COG6: variants seen among roughly 807,000 people sequenced by gnomAD.
COG6 encodes the protein conserved oligomeric Golgi complex subunit 6.
A neutral mutation model predicts 88.8 loss-of-function variants in COG6; 74 were observed. The observed-to-expected ratio is 0.83, with a 90% CI of 0.69 to 1.01. The LOEUF (loss-of-function observed/expected upper bound fraction) is 1.01, where lower values mean the gene tolerates loss of function less well. Among genes scored for constraint, COG6 ranks in the 50% least tolerant of loss-of-function variants. The pLI, the probability that COG6 is intolerant of heterozygous loss-of-function variation, is 0.00. For missense variants in COG6, 800 were observed against 797.9 expected, an observed-to-expected ratio of 1.00 and a Z score of -0.03; for synonymous variants, 286 against 278.7, an observed-to-expected ratio of 1.03 and a Z score of -0.26.
At chr13:39,662,142 A>T (rs370582434) in intron 3 of COG6, among the ~76,000 whole-genome samples, 61 of 130,592 alleles carry the variant, frequency 4.7e-4, no homozygotes, top group Admixed American at 9.1e-4. Flanking sequence ...TGTCCTTTGT[A>T]TTTTTTTTTT....
At chr13:39,728,989 T>G (rs191823928) in intron 18 of COG6, among the ~76,000 whole-genome samples, 74 of 152,330 alleles carry the variant, frequency 4.9e-4, no homozygotes, top group Admixed American at 4.8e-3. Flanking sequence ...TATTAAATTT[T>G]TAACTGAATA....
chr13:39,770,651 A>G (rs768009816), intron 18 of COG6, among the ~76,000 whole-genome samples: 1 of 152,234 alleles, frequency 6.6e-6, no homozygotes, highest in Non-Finnish European at 1.5e-5. Flanking sequence ...GATTAAAAAG[A>G]GAAAGAAATC....
intron 4 of COG6, among the ~76,000 whole-genome samples, chr13:39,672,784 TATG>T (rs1486467045): frequency 6.6e-6 from 1 of 152,096 alleles, no homozygotes; most frequent in Admixed American, 6.6e-5. Context: ...CTGAATCATA[TATG>T]ATAACTCTTT....
intron 13 of COG6, among the ~76,000 whole-genome samples, chr13:39,701,398 A>G (rs1380077765): frequency 6.6e-6 from 1 of 151,932 alleles, no homozygotes; most frequent in African/African-American, 2.4e-5. Flanking sequence ...AGTTTTACAT[A>G]TAAGAGATAG....
intron 1 of COG6, among the ~76,000 whole-genome samples, chr13:39,657,452 A>T (rs569714236): frequency 7.9e-5 from 12 of 152,244 alleles, no homozygotes; most frequent in African/African-American, 2.9e-4. Context: ...CATTCGTTCA[A>T]CATTACTGAT....
intron 13 of COG6, among the ~76,000 whole-genome samples, chr13:39,701,895 G>A (rs1186921511): frequency 6.6e-6 from 1 of 151,920 alleles, no homozygotes; most frequent in African/African-American, 2.4e-5. Context: ...GGAAAGGATG[G>A]AATTAAATTT....
At chr13:39,763,281 C>G (rs1035581748) in intron 18 of COG6, among the ~76,000 whole-genome samples, 3 of 151,718 alleles carry the variant, frequency 2.0e-5, no homozygotes, top group African/African-American at 7.2e-5. Context: ...TTGGCAAGCA[C>G]ACAATCTATA....
At chr13:39,754,923 G>T (rs1880785383), downstream of COG6, among the ~76,000 whole-genome samples, 1 of 152,108 alleles carries the variant, frequency 6.6e-6, no homozygotes, top group Non-Finnish European at 1.5e-5. Context: ...GAGGTTGAGA[G>T]CACAGAAAAC....
intron 18 of COG6, among the ~76,000 whole-genome samples, chr13:39,738,369 G>C (rs2138117820): frequency 1.3e-5 from 2 of 152,226 alleles, no homozygotes; most frequent in Admixed American, 1.3e-4. Context: ...ATATTGATTG[G>C]AGGTAGACTG....
At chr13:39,788,189 G>A (rs1007414594) in intron 18 of COG6, 10 of 818,908 alleles carry the variant, frequency 1.2e-5, no homozygotes, top group African/African-American at 1.7e-5. Context: ...ATCTTCACAC[G>A]TACTCCACCA....
At chr13:39,677,975 ACT>A (rs1876074076) in intron 5 of COG6, 3 of 373,246 alleles carry the variant, frequency 8.0e-6, no homozygotes, top group East Asian at 1.8e-4. Context: ...CCTTCTACCC[ACT>A]CTGTCTCCTC....
intron 18 of COG6, among the ~76,000 whole-genome samples, chr13:39,749,666 TA>T (rs1161899185): frequency 6.6e-5 from 10 of 152,228 alleles, no homozygotes; most frequent in Admixed American, 5.2e-4. Context: ...TGTTGAACAT[TA>T]AGAGCATTTA....
At chr13:39,787,225 A>T (rs1593491080) in intron 18 of COG6, among the ~76,000 whole-genome samples, 1 of 152,288 alleles carries the variant, frequency 6.6e-6, no homozygotes, top group Admixed American at 6.5e-5. Context: ...TCCAGGCAAG[A>T]TGGTCAAATT....
intron 13 of COG6, among the ~76,000 whole-genome samples, chr13:39,717,166 A>G (rs891784415): frequency 8.5e-5 from 13 of 152,172 alleles, no homozygotes; most frequent in African/African-American, 2.4e-4. Context: ...TCTGGCCTGC[A>G]TGTTTTCTGG....
intron 11 of COG6, among the ~76,000 whole-genome samples, chr13:39,690,266 T>G (rs1006692918): frequency 1.3e-5 from 2 of 152,028 alleles, no homozygotes; most frequent in Non-Finnish European, 2.9e-5. Context: ...TCATCAATAC[T>G]GTTTATAGTG....
At chr13:39,781,681 A>G (rs1206314297) in intron 18 of COG6, among the ~76,000 whole-genome samples, 1 of 152,056 alleles carries the variant, frequency 6.6e-6, no homozygotes, top group Non-Finnish European at 1.5e-5. Flanking sequence ...TCTGGGTTTG[A>G]ATAGCTGAAG....
At position 39,730,820 on chromosome 13, in the gene COG6, TTTC is replaced by T. The variant is rs530658114; in HGVS notation, c.1826+3275_1826+3277del. On this transcript the variant is annotated intron_variant, in intron 18 of 18. Coordinates refer to ENST00000455146, the MANE Select transcript of COG6 (RefSeq NM_020751.3). ...AAAAAGATTTAACATTAAAGGAGATTTTCTTATTTTTATTTTTTTGAGACAGAG... is the reference window on the plus strand; with the variant it reads ...AAAAAGATTTAACATTAAAGGAGATTTTATTTTTATTTTTTTGAGACAGAG... 1.9e-3 allele frequency among the ~76,000 whole-genome samples: 270 copies of T among 143,906 alleles called. 1 individual carries two copies. Among genetic ancestry groups the T allele is most frequent in the Non-Finnish European group, 3.4e-3 (219 of 65,146 alleles). 94.4% of individuals were successfully genotyped at this position (143,906 alleles called of 152,430 possible).
intron 18 of COG6, among the ~76,000 whole-genome samples, chr13:39,772,043 C>T (rs554842242): frequency 1.3e-5 from 2 of 152,336 alleles, no homozygotes; most frequent in South Asian, 2.1e-4. Flanking sequence ...CCAGGTCTTC[C>T]CCAGCAAGGC....
intron 4 of COG6, among the ~76,000 whole-genome samples, chr13:39,676,391 A>T (rs1875968504): frequency 6.6e-6 from 1 of 152,184 alleles, no homozygotes; most frequent in Non-Finnish European, 1.5e-5. Flanking sequence ...TAAGATAAAT[A>T]TTAAGATAAC....
Sources: gnomAD v4.1 joint callset for allele counts (sites outside exome capture counted in the v4.1 genomes callset) on GRCh38, gnomAD v4.1.1 for gene constraint, MANE v1.5 for transcripts, NCBI Gene and HGNC (gene_info 2026-07-23, HGNC 2026-07-21) for gene names.